Variants in PPM1H observed in about 807,000 individuals in gnomAD.
The protein encoded by PPM1H is protein phosphatase, Mg2+/Mn2+ dependent 1H, also known as protein phosphatase 1H.
A neutral mutation model predicts 54.9 loss-of-function variants in PPM1H; 27 were observed. The observed-to-expected ratio is 0.49, with a 90% CI of 0.36 to 0.68. The LOEUF (loss-of-function observed/expected upper bound fraction) is 0.68, where lower values mean the gene tolerates loss of function less well. Ranked by LOEUF, PPM1H falls within the 30% of genes least tolerant of loss-of-function variation. The pLI, the probability that PPM1H is intolerant of heterozygous loss-of-function variation, is 0.00. For synonymous variants in PPM1H, 305 were observed against 270.8 expected (o/e 1.13, Z -1.24); for missense variants, 596 against 667.8 (o/e 0.89, Z 1.19).
intron 1 of PPM1H, among the ~76,000 whole-genome samples, chr12:62,871,716 A>T (rs1252940922): frequency 6.6e-6 from 1 of 151,920 alleles, no homozygotes; most frequent in Non-Finnish European, 1.5e-5. Context: ...GGGTTTTGCC[A>T]TGTTGCCCAG....
chr12:62,651,151 AT>A (rs1437928875), intron 9 of PPM1H, among the ~76,000 whole-genome samples: 1 of 152,214 alleles, frequency 6.6e-6, no homozygotes, highest in African/African-American at 2.4e-5. Context: ...ATGAGAAAAT[AT>A]GCCTGACAAT....
rs781137668 is a variant in PPM1H at position 62,802,059 on chromosome 12, C to T, written c.513G>A (p.Thr171=). The change falls in exon 3 of 10, where the codon ACG becomes ACA. Residue 171 remains threonine, a synonymous_variant. Coordinates refer to ENST00000228705, the MANE Select transcript of PPM1H (RefSeq NM_020700.2). ...TGTCCACGATGTCCTGCAGCTGCTC[C>T]GTGATGTGGTGCTGCAGCAGGCGTG... ...VASRLLQHHI[T]EQLQDIVDIL... 3.1e-6 allele frequency: 5 copies of T among 1,613,324 alleles called. No individual in the cohort carries two copies. Among genetic ancestry groups the T allele is most frequent in the Admixed American group, 1.7e-5 (1 of 60,010 alleles).
chr12:62,868,063 A>C (rs1342860608), intron 1 of PPM1H, among the ~76,000 whole-genome samples: 3 of 152,166 alleles, frequency 2.0e-5, no homozygotes, highest in Non-Finnish European at 4.4e-5. Context: ...GGTTGAGAGC[A>C]GTGTAGGTTA....
At chr12:62,712,190 C>CT (rs75257018) in intron 6 of PPM1H, among the ~76,000 whole-genome samples, 2,089 of 152,270 alleles carry the variant, frequency 0.014, 46 homozygotes, top group East Asian at 0.089. Flanking sequence ...TTTCAGGTGC[C>CT]TAATCCCTGG....
At chr12:62,926,053 C>G (rs1871963079) in intron 1 of PPM1H, among the ~76,000 whole-genome samples, 1 of 152,172 alleles carries the variant, frequency 6.6e-6, no homozygotes, top group Admixed American at 6.5e-5. Context: ...TCCTGGCAGC[C>G]ATAATCACCT....
At chr12:62,858,769 T>C (rs1869490107) in intron 1 of PPM1H, among the ~76,000 whole-genome samples, 1 of 152,216 alleles carries the variant, frequency 6.6e-6, no homozygotes, top group African/African-American at 2.4e-5. Context: ...TATTATTCAA[T>C]GTCAGTTTTA....
chr12:62,914,762 T>G (rs997803240), intron 1 of PPM1H, among the ~76,000 whole-genome samples: 1 of 152,204 alleles, frequency 6.6e-6, no homozygotes. Context: ...ACGAGTCACA[T>G]GGACTCATCT....
chr12:62,890,420 T>G (rs958681253), intron 1 of PPM1H, among the ~76,000 whole-genome samples: 3 of 152,126 alleles, frequency 2.0e-5, no homozygotes, highest in Admixed American at 6.5e-5. Flanking sequence ...ATCGTGCCAA[T>G]TTTGTGTGTG....
intron 5 of PPM1H, among the ~76,000 whole-genome samples, chr12:62,723,506 G>A (rs1221942109): frequency 6.6e-6 from 1 of 152,186 alleles, no homozygotes; most frequent in African/African-American, 2.4e-5. Context: ...TTTAGGCCAT[G>A]AAGGTAGAGC....
In PPM1H at chr12:62,832,201, C is replaced by T. The variant is rs1868374990; in HGVS notation, c.324G>A (p.Gly108=). 6.2e-7 allele frequency: 1 copy of T among 1,613,722 alleles called. No individual in the cohort carries two copies. Among genetic ancestry groups the T allele is most frequent in the South Asian group, 1.1e-5 (1 of 91,026 alleles). Residue 108 remains glycine (G), a synonymous_variant, in exon 2 of 10, where the codon GGG becomes GGA. Coordinates refer to ENST00000228705, the MANE Select transcript of PPM1H (RefSeq NM_020700.2). ...TCCTGTTTGGGGTTGAGGTCACGGCCCCTGCCTTCTTCTTCACAGTGAGCA... is the reference window on the plus strand; with the variant it reads ...TCCTGTTTGGGGTTGAGGTCACGGCTCCTGCCTTCTTCTTCACAGTGAGCA... ...CEVLTVKKKA[G]AVTSTPNRNS...
intron 4 of PPM1H, among the ~76,000 whole-genome samples, chr12:62,768,927 T>C (rs1472477676): frequency 6.6e-6 from 1 of 152,196 alleles, no homozygotes; most frequent in African/African-American, 2.4e-5. Flanking sequence ...CCTGGCTTTT[T>C]AAGCCTGTTA....
chr12:62,822,109 G>A (rs924866078), intron 2 of PPM1H, among the ~76,000 whole-genome samples: 1 of 152,082 alleles, frequency 6.6e-6, no homozygotes, highest in Non-Finnish European at 1.5e-5. Flanking sequence ...TGCAATCCTA[G>A]TCTCTGATAA....
intron 1 of PPM1H, among the ~76,000 whole-genome samples, chr12:62,880,796 C>T (rs1030117594): frequency 3.9e-5 from 6 of 152,308 alleles, no homozygotes; most frequent in Admixed American, 2.0e-4. Context: ...TATGTGTGAA[C>T]ATTCCCTTCT....
At chr12:62,819,344 G>GGA (rs1453631295) in intron 2 of PPM1H, among the ~76,000 whole-genome samples, 15 of 151,380 alleles carry the variant, frequency 9.9e-5, no homozygotes, top group Non-Finnish European at 2.2e-4. Context: ...GGCCAGGCTT[G>GGA]TCTTGAACTC....
intron 1 of PPM1H, among the ~76,000 whole-genome samples, chr12:62,930,597 TA>T (rs1253432810): frequency 6.6e-6 from 1 of 151,486 alleles, no homozygotes; most frequent in African/African-American, 2.4e-5. Context: ...GGCAAACAGG[TA>T]AAAAAAGAAA....
chr12:62,780,437 A>T (rs1019629564), intron 4 of PPM1H, among the ~76,000 whole-genome samples: 1 of 152,208 alleles, frequency 6.6e-6, no homozygotes, highest in Non-Finnish European at 1.5e-5. Flanking sequence ...AGTAGCTGGG[A>T]CCACAGGCAT....
At position 62,718,297 on chromosome 12, in the gene PPM1H, G is replaced by A. The variant is rs774100798; in HGVS notation, c.1073+1874C>T. 3.3e-5 allele frequency among the ~76,000 whole-genome samples: 5 copies of A among 152,014 alleles called. No individual in the cohort carries two copies. In the East Asian group the frequency reaches 5.8e-4, roughly 18 times the overall value. ...ATCATTTAGTTTCTTATTCATTTTC[G>A]TTCCATGTTTTCTGCTTCTATCCCT... is the stretch of plus-strand genomic sequence containing the variant. On this transcript the variant is annotated intron_variant, in intron 6 of 9. Transcript: ENST00000228705.
At chr12:62,800,310 C>T (rs1485530886) in intron 3 of PPM1H, among the ~76,000 whole-genome samples, 1 of 150,730 alleles carries the variant, frequency 6.6e-6, no homozygotes, top group Non-Finnish European at 1.5e-5. Context: ...CTTCTCATCA[C>T]TTTGTAATCT....
chr12:62,933,464 G>A (rs1318226861), intron 1 of PPM1H, among the ~76,000 whole-genome samples: 1 of 152,148 alleles, frequency 6.6e-6, no homozygotes, highest in South Asian at 2.1e-4. Context: ...ACGGATAGGG[G>A]AGGGCCAAAA....
Sources: allele counts gnomAD v4.1 joint callset (sites outside exome capture counted in the v4.1 genomes callset), GRCh38; gene constraint gnomAD v4.1.1; transcripts MANE v1.5; gene names NCBI Gene and HGNC (gene_info 2026-07-23, HGNC 2026-07-21).